EVA1C: variants seen among roughly 807,000 people sequenced by gnomAD.
EVA1C encodes protein eva-1 homolog C.
In EVA1C, 25 loss-of-function variants were observed where a neutral mutation model predicts 45.4. The ratio of observed to expected loss-of-function variants is 0.55; its 90% CI spans 0.40 to 0.77. The LOEUF is 0.77. EVA1C is among the 30% of genes least tolerant of loss of function. The pLI is 0.00. For synonymous variants in EVA1C, 190 were observed against 221.2 expected, an observed-to-expected ratio of 0.86 and a Z score of 1.25; for missense variants, 479 against 554.8, an observed-to-expected ratio of 0.86 and a Z score of 1.37.
chr21:32,482,450 C>A (rs921610224), intron 4 of EVA1C, among the ~76,000 whole-genome samples: 3 of 152,196 alleles, frequency 2.0e-5, no homozygotes, highest in Admixed American at 2.0e-4. Flanking sequence ...AAGAACTGAA[C>A]CCCTTCACGG....
chr21:32,457,536 G>T (rs1024597618), intron 2 of EVA1C, 61 bp from the exon 3 acceptor site: 4 of 1,608,952 alleles, frequency 2.5e-6, no homozygotes, highest in Non-Finnish European at 3.4e-6. Flanking sequence ...GCCCAGGTTC[G>T]GGTCTGGCAG....
chr21:32,466,156 C>T (rs113066685), intron 3 of EVA1C, among the ~76,000 whole-genome samples: 30 of 152,298 alleles, frequency 2.0e-4, no homozygotes, highest in African/African-American at 7.0e-4. Flanking sequence ...CGCTTTGGCT[C>T]ACGCCTGTAA....
intron 5 of EVA1C, 152 bp from the exon 6 acceptor site, chr21:32,501,263 T>C: frequency 1.5e-6 from 1 of 664,746 alleles, no homozygotes; most frequent in Non-Finnish European, 2.5e-6. Context: ...TTTGTGTGTA[T>C]ATGTGTGTAT....
rs1568893930 is a variant in EVA1C, at chr21:32,448,912, A to AGAAG, written c.161-4400_161-4399insGAAG. ...TGACAAAGAAAAAAAAAGAAAGGAG[A>AGAAG]AAAGAGAGAAAGAAAGAAAGAGAGA... On this transcript the variant is annotated intron_variant, in intron 1 of 7. Transcript: ENST00000300255. Among the ~76,000 whole-genome samples, 8 of 41,516 alleles carry AGAAG rather than the reference A, an allele frequency of 1.9e-4. No individual in the cohort carries two copies. The East Asian group carries it at 0.01, about 52-fold the overall frequency. 27.2% of individuals were successfully genotyped at this position (41,516 alleles called of 152,430 possible).
chr21:32,498,240 A>G (rs1195702155), intron 5 of EVA1C, among the ~76,000 whole-genome samples: 1 of 152,156 alleles, frequency 6.6e-6, no homozygotes, highest in East Asian at 1.9e-4. Context: ...TGAGGTCAAG[A>G]GTTCGAGACC....
At chr21:32,426,575 G>A (rs1170697526) in intron 1 of EVA1C, among the ~76,000 whole-genome samples, 1 of 152,092 alleles carries the variant, frequency 6.6e-6, no homozygotes, top group Non-Finnish European at 1.5e-5. Flanking sequence ...GTTACTTTGT[G>A]AACAGTGCAT....
At chr21:32,420,611 C>G (rs1568858147) in intron 1 of EVA1C, among the ~76,000 whole-genome samples, 6 of 151,968 alleles carry the variant, frequency 3.9e-5, no homozygotes, top group Admixed American at 3.3e-4. Flanking sequence ...CCAGGCTGGT[C>G]TCAAACTCCT....
intron 1 of EVA1C, 53 bp downstream of exon 1, chr21:32,413,066 GA>G: frequency 7.6e-7 from 1 of 1,311,646 alleles, no homozygotes; most frequent in Non-Finnish European, 9.8e-7. Context: ...GCGCCCAGGT[GA>G]ACCCTCGACT....
intron 1 of EVA1C, among the ~76,000 whole-genome samples, chr21:32,436,301 A>G (rs2146187063): frequency 6.6e-6 from 1 of 152,196 alleles, no homozygotes; most frequent in South Asian, 2.1e-4. Flanking sequence ...TCACCTTGTG[A>G]TCCACCCGCC....
At chr21:32,491,906 G>A (rs770940476) in intron 4 of EVA1C, among the ~76,000 whole-genome samples, 3 of 152,180 alleles carry the variant, frequency 2.0e-5, no homozygotes, top group East Asian at 1.9e-4. Context: ...GCGGAGTGCC[G>A]GAGTGGCCAG....
intron 4 of EVA1C, among the ~76,000 whole-genome samples, chr21:32,477,653 C>T (rs2036613681): frequency 1.3e-5 from 2 of 151,642 alleles, no homozygotes; most frequent in Non-Finnish European, 2.9e-5. Flanking sequence ...CAGCTGGCTT[C>T]CCCCAGAGAA....
chr21:32,504,073 A>T, intron 7 of EVA1C, 58 bp downstream of exon 7: 1 of 1,220,682 alleles, frequency 8.2e-7, no homozygotes. Context: ...AGTCTTGTTA[A>T]TAAATGTGCT....
chr21:32,417,965 G>A (rs1413713837), intron 1 of EVA1C, among the ~76,000 whole-genome samples: 1 of 152,136 alleles, frequency 6.6e-6, no homozygotes, highest in Non-Finnish European at 1.5e-5. Context: ...GTTCAGAGGG[G>A]AGGGTGACCT....
intron 1 of EVA1C, among the ~76,000 whole-genome samples, chr21:32,425,267 G>A (rs7275536): frequency 0.38 from 56,895 of 149,122 alleles, 11,503 homozygotes; most frequent in African/African-American, 0.51. Flanking sequence ...CCCAGGAGGC[G>A]GAGGTTATAG....
intron 4 of EVA1C, among the ~76,000 whole-genome samples, chr21:32,489,662 G>T (rs1334942421): frequency 6.6e-6 from 1 of 152,176 alleles, no homozygotes; most frequent in East Asian, 1.9e-4. Context: ...TATAGGGATT[G>T]CATTGAGCCT....
intron 1 of EVA1C, among the ~76,000 whole-genome samples, chr21:32,433,818 G>A (rs1331331010): frequency 7.2e-6 from 1 of 139,624 alleles, no homozygotes; most frequent in East Asian, 2.2e-4. Context: ...AAGTTAAAAT[G>A]AGGTTGATAG....
At chr21:32,470,293 G>C (rs1452577228) in intron 4 of EVA1C, among the ~76,000 whole-genome samples, 2 of 152,206 alleles carry the variant, frequency 1.3e-5, no homozygotes, top group African/African-American at 2.4e-5. Flanking sequence ...TTTGGAACAC[G>C]TGCCTCCCAA....
chr21:32,472,811 GC>G (rs2036425942), intron 4 of EVA1C, among the ~76,000 whole-genome samples: 1 of 152,204 alleles, frequency 6.6e-6, no homozygotes, highest in African/African-American at 2.4e-5. Flanking sequence ...TCTGCTCTGT[GC>G]CCCTTGCTTG....
At chr21:32,437,732 T>G (rs932619759) in intron 1 of EVA1C, among the ~76,000 whole-genome samples, 8 of 152,136 alleles carry the variant, frequency 5.3e-5, no homozygotes, top group Non-Finnish European at 8.8e-5. Context: ...GTGGGTCAGA[T>G]GTAGCCGTTT....
Sources: gnomAD v4.1 joint callset for allele counts (sites outside exome capture counted in the v4.1 genomes callset) on GRCh38, gnomAD v4.1.1 for gene constraint, MANE v1.5 for transcripts, NCBI Gene and HGNC (gene_info 2026-07-23, HGNC 2026-07-21) for gene names.